Variants in KIF15 observed in about 807,000 individuals in gnomAD.
KIF15 encodes the protein kinesin family member 15.
A neutral mutation model predicts 190.6 loss-of-function variants in KIF15; 140 were observed. The observed-to-expected ratio is 0.73, with a 90% CI of 0.64 to 0.84. KIF15 has a LOEUF of 0.84. Among genes scored for constraint, KIF15 ranks in the 40% least tolerant of loss-of-function variants. The pLI, the probability that KIF15 is intolerant of heterozygous loss-of-function variation, is 0.00. For missense variants in KIF15, 1,372 were observed against 1,584.4 expected, an observed-to-expected ratio of 0.87 and a Z score of 2.28; for synonymous variants, 528 against 551.3, an observed-to-expected ratio of 0.96 and a Z score of 0.59.
chr3:44,775,930 A>G (rs1293254370), intron 3 of KIF15, among the ~76,000 whole-genome samples: 2 of 151,474 alleles, frequency 1.3e-5, no homozygotes, highest in Non-Finnish European at 2.9e-5. Flanking sequence ...AATACAAAAA[A>G]TTAGCTGGTT....
At chr3:44,864,601 C>T (rs1699300513) in intron 6 of KIF15, among the ~76,000 whole-genome samples, 1 of 152,182 alleles carries the variant, frequency 6.6e-6, no homozygotes, top group Non-Finnish European at 1.5e-5. Flanking sequence ...GTGGAGCCCT[C>T]ATTCTGAAGT....
At chr3:44,816,324 T>C (rs1298674343) in intron 20 of KIF15, among the ~76,000 whole-genome samples, 1 of 152,238 alleles carries the variant, frequency 6.6e-6, no homozygotes, top group African/African-American at 2.4e-5. Flanking sequence ...ACATGTGCCA[T>C]GTTGCTTTGC....
intron 30 of KIF15, among the ~76,000 whole-genome samples, chr3:44,844,587 A>G (rs1220406557): frequency 6.6e-6 from 1 of 152,214 alleles, no homozygotes. Flanking sequence ...TAAGCTTACT[A>G]CTTTTGCCCA....
intron 6 of KIF15, among the ~76,000 whole-genome samples, chr3:44,861,526 G>A (rs1237016074): frequency 2.6e-5 from 4 of 152,220 alleles, no homozygotes; most frequent in South Asian, 4.1e-4. Context: ...GTGGAGCGGA[G>A]AAGCCTGGTC....
At position 44,797,876 on chromosome 3, in the gene KIF15, G is replaced by A. The variant is rs547827168; in HGVS notation, c.1018G>A (p.Val340Ile). ...GNAKTAIIAN[V>I]HPGSRCFGET... ...TGCCAAAACAGCCATAATTGCAAATGTTCATCCTGGATCCAGGTGTTTTGG... is the reference window on the plus strand; with the variant it reads ...TGCCAAAACAGCCATAATTGCAAATATTCATCCTGGATCCAGGTGTTTTGG... The change falls in exon 10 of 35, where the codon GTT (valine) becomes ATT (isoleucine). Residue 340 changes from valine (V) to isoleucine (I), a missense_variant. Val to Ile is a conservative substitution (Grantham distance 29). Transcript: ENST00000326047. 2.5e-6 allele frequency: 4 copies of A among 1,613,864 alleles called. No homozygotes were observed. Among genetic ancestry groups the A allele is most frequent in the East Asian group, 2.2e-5 (1 of 44,874 alleles).
intron 1 of KIF15, among the ~76,000 whole-genome samples, chr3:44,763,286 C>T (rs1705227487): frequency 6.6e-6 from 1 of 152,096 alleles, no homozygotes; most frequent in Non-Finnish European, 1.5e-5. Flanking sequence ...TACTTTGTGC[C>T]CCGAAGGCTA....
intron 16 of KIF15, 98 bp downstream of exon 16, chr3:44,806,084 C>T: frequency 7.5e-7 from 1 of 1,331,074 alleles, no homozygotes; most frequent in East Asian, 2.4e-5. Context: ...ATGCAGATGA[C>T]ATCCCATGCA....
At chr3:44,792,383 A>T (rs1706748969) in intron 7 of KIF15, among the ~76,000 whole-genome samples, 1 of 151,942 alleles carries the variant, frequency 6.6e-6, no homozygotes, top group African/African-American at 2.4e-5. Context: ...CTGAGGTGGG[A>T]GGATCATTTG....
intron 25 of KIF15, 35 bp from the exon 26 acceptor site, chr3:44,830,861 A>G (rs1276198844): frequency 6.3e-7 from 1 of 1,591,054 alleles, no homozygotes; most frequent in Non-Finnish European, 8.5e-7. Flanking sequence ...ACAGGAAATA[A>G]AATGGCTCTT....
At chr3:44,827,359 T>C in intron 22 of KIF15, 100 bp from the exon 23 acceptor site, 1 of 818,812 alleles carries the variant, frequency 1.2e-6, no homozygotes, top group Non-Finnish European at 2.0e-6. Context: ...AGGGTGTGCC[T>C]AACAAAGTTC....
At chr3:44,773,511 C>T (rs1270557701) in intron 1 of KIF15, among the ~76,000 whole-genome samples, 2 of 152,092 alleles carry the variant, frequency 1.3e-5, no homozygotes, top group African/African-American at 2.4e-5. Flanking sequence ...CACTGGGTTG[C>T]GGGTAGAACA....
At chr3:44,767,888 C>G (rs1032667492) in intron 1 of KIF15, among the ~76,000 whole-genome samples, 1 of 124,258 alleles carries the variant, frequency 8.0e-6, no homozygotes, top group Non-Finnish European at 1.7e-5. Context: ...GAGCGAGACT[C>G]CATCTCAAAA....
At chr3:44,797,780 A>C (rs893443994) in intron 9 of KIF15, 54 bp from the exon 10 acceptor site, 1 of 1,604,620 alleles carries the variant, frequency 6.2e-7, no homozygotes, top group African/African-American at 1.3e-5. Context: ...TTCTTTGCTT[A>C]AAAAGGTCTT....
chr3:44,802,105 C>T (rs775744216), intron 13 of KIF15, 131 bp downstream of exon 13: 1 of 621,504 alleles, frequency 1.6e-6, no homozygotes, highest in Non-Finnish European at 2.8e-6. Flanking sequence ...AGTGTGATTG[C>T]ATAATTCCTT....
intron 7 of KIF15, among the ~76,000 whole-genome samples, chr3:44,793,864 C>CT (rs200155085): frequency 1.4e-5 from 2 of 146,314 alleles, no homozygotes; most frequent in Non-Finnish European, 3.0e-5. Flanking sequence ...ATTCTTGTTC[C>CT]TTTTTTTTTC....
chr3:44,792,110 A>G (rs891612974), intron 7 of KIF15, among the ~76,000 whole-genome samples: 1 of 152,182 alleles, frequency 6.6e-6, no homozygotes, highest in African/African-American at 2.4e-5. Flanking sequence ...AATGTATCAG[A>G]TGTATTTAAT....
rs1290660590 is a variant in KIF15 at position 44,830,952 on chromosome 3, G to A, written c.3105G>A (p.Lys1035=). 3.7e-6 allele frequency: 6 copies of A among 1,613,972 alleles called. No homozygotes were observed. The highest frequency in any genetic ancestry group is 4.2e-6 in the Non-Finnish European group (5 of 1,179,916). Reference sequence around the variant, plus strand: ...AAGAGAGCAGAGTGTTGATCAAGAAGCAGGAAGTGGATATTCTGGATCTGA... The same window carrying A: ...AAGAGAGCAGAGTGTTGATCAAGAAACAGGAAGTGGATATTCTGGATCTGA... The part of the protein sequence containing the change: ...DREESRVLIK[K]QEVDILDLKE... The change falls in exon 26 of 35, where the codon AAG becomes AAA. Residue 1035 remains lysine (K), a synonymous_variant. Transcript: ENST00000326047.
rs754509462 is a variant in KIF15, at chr3:44,810,875, A to C, written c.2001A>C (p.Gln667His). The change falls in exon 17 of 35, where the codon CAA (glutamine) becomes CAC (histidine). Residue 667 changes from glutamine (Q) to histidine (H), a missense_variant. By Grantham distance (24) the Gln-to-His change is conservative. Coordinates refer to ENST00000326047, the MANE Select transcript of KIF15 (RefSeq NM_020242.3). ...KIITTPTKAY[Q>H]LHSRPVPKLS... The stretch of plus-strand genomic sequence containing the variant: ...TAACTACACCAACCAAGGCCTACCA[A>C]CTTCATTCCCGACCAGTACCAAAAT... 1 of 1,613,746 alleles carries C rather than the reference A, an allele frequency of 6.2e-7. No individual in the cohort carries two copies. Among genetic ancestry groups the C allele is most frequent in the South Asian group, 1.1e-5 (1 of 90,958 alleles).
At chr3:44,857,126 G>A (rs1183384137), downstream of KIF15, among the ~76,000 whole-genome samples, 1 of 152,180 alleles carries the variant, frequency 6.6e-6, no homozygotes, top group Non-Finnish European at 1.5e-5. Flanking sequence ...ATGTCAGGTG[G>A]ATCAGAGAGA....
Sources: gnomAD v4.1 joint callset for allele counts (sites outside exome capture counted in the v4.1 genomes callset) on GRCh38, gnomAD v4.1.1 for gene constraint, MANE v1.5 for transcripts, NCBI Gene and HGNC (gene_info 2026-07-23, HGNC 2026-07-21) for gene names.